Variants in COP1 observed in about 807,000 individuals in gnomAD.
COP1 encodes the protein E3 ubiquitin-protein ligase COP1.
A neutral mutation model predicts 101.3 loss-of-function variants in COP1; 24 were observed. The observed-to-expected ratio is 0.24, with a 90% CI of 0.17 to 0.33. The LOEUF is 0.33. COP1 is among the 10% of genes least tolerant of loss of function. The pLI, the probability that COP1 is intolerant of heterozygous loss-of-function variation, is 1.00. For synonymous variants in COP1, 347 were observed against 341.9 expected, an observed-to-expected ratio of 1.01 and a Z score of -0.17; for missense variants, 663 against 906.2, an observed-to-expected ratio of 0.73 and a Z score of 3.45.
chr1:176,155,480 A>G (rs1693307235), intron 5 of COP1, among the ~76,000 whole-genome samples: 1 of 152,054 alleles, frequency 6.6e-6, no homozygotes, highest in Admixed American at 6.6e-5. Flanking sequence ...AGAACAGAGC[A>G]TCAGAAGTCT....
intron 9 of COP1, among the ~76,000 whole-genome samples, chr1:176,114,044 C>G (rs923281837): frequency 6.6e-6 from 1 of 150,990 alleles, no homozygotes; most frequent in South Asian, 2.1e-4. Flanking sequence ...CTTCATCAGT[C>G]ACAGGGAGTA....
intron 15 of COP1, among the ~76,000 whole-genome samples, chr1:176,021,441 A>T (rs1367960847): frequency 6.6e-6 from 1 of 152,230 alleles, no homozygotes; most frequent in Non-Finnish European, 1.5e-5. Flanking sequence ...AATTTGCTTC[A>T]ATCCTCATTG....
intron 18 of COP1, among the ~76,000 whole-genome samples, chr1:175,963,734 C>T (rs1430639991): frequency 6.6e-6 from 1 of 152,152 alleles, no homozygotes; most frequent in African/African-American, 2.4e-5. Flanking sequence ...TCAAAAGCCC[C>T]TATCTTCATA....
intron 6 of COP1, among the ~76,000 whole-genome samples, chr1:176,136,859 A>G (rs944206071): frequency 1.3e-5 from 2 of 152,192 alleles, no homozygotes; most frequent in African/African-American, 2.4e-5. Context: ...AAGAACTTTC[A>G]CATTACCTCA....
chr1:175,954,838 G>A lies in COP1; in HGVS notation c.2134-7599C>T, dbSNP rs373930147. On this transcript the variant is annotated intron_variant, in intron 18 of 19. Coordinates refer to ENST00000367669, the MANE Select transcript of COP1 (RefSeq NM_022457.7). ...TGTAAAAAACCTTAACAAAATACAA[G>A]TAAAGATAATTCAGTCATATACAAA... Among the ~76,000 whole-genome samples, 33 of 152,074 alleles carry A rather than the reference G, an allele frequency of 2.2e-4. No homozygotes were observed. The East Asian group carries it at 6.4e-3, about 29-fold the overall frequency.
At chr1:176,091,495 C>T (rs965638381) in intron 9 of COP1, among the ~76,000 whole-genome samples, 1 of 152,098 alleles carries the variant, frequency 6.6e-6, no homozygotes, top group African/African-American at 2.4e-5. Flanking sequence ...TATTAATCGT[C>T]ATATCTAGTT....
intron 12 of COP1, among the ~76,000 whole-genome samples, chr1:176,045,081 G>C (rs541176457): frequency 6.6e-6 from 1 of 152,252 alleles, no homozygotes; most frequent in Non-Finnish European, 1.5e-5. Context: ...ACTTCAGTCT[G>C]AATCCTGGCT....
chr1:176,199,204 C>G lies in COP1; in HGVS notation c.407+7368G>C, dbSNP rs192680617. 3.0e-3 allele frequency among the ~76,000 whole-genome samples: 456 copies of G among 152,164 alleles called. 2 individuals carry two copies. The highest frequency in any genetic ancestry group is 0.01 in the African/African-American group (429 of 41,502). On this transcript the variant is annotated intron_variant, in intron 1 of 19. Transcript: ENST00000367669. ...TGGTGGCGGGCGCCTGTAATCCTAG[C>G]TACTCGGGAGGTTAAGGCAGGAGAA...
At chr1:176,063,047 G>GTA (rs1553247257) in intron 11 of COP1, among the ~76,000 whole-genome samples, 1 of 90,590 alleles carries the variant, frequency 1.1e-5, no homozygotes, top group African/African-American at 4.4e-5. Flanking sequence ...TTTTGAAAAT[G>GTA]TTTTTTTTTT....
At chr1:176,029,240 A>G (rs1375875032) in intron 14 of COP1, among the ~76,000 whole-genome samples, 1 of 151,272 alleles carries the variant, frequency 6.6e-6, no homozygotes, top group Non-Finnish European at 1.5e-5. Flanking sequence ...AAAGTAATAT[A>G]TTCTAGAATT....
chr1:176,083,950 TTTTAA>T (rs1034811264), intron 10 of COP1, among the ~76,000 whole-genome samples: 3 of 152,190 alleles, frequency 2.0e-5, no homozygotes, highest in East Asian at 1.9e-4. Flanking sequence ...TTCCACCTGG[TTTTAA>T]TTTATTATTC....
chr1:175,980,211 G>C (rs910871339), intron 18 of COP1, among the ~76,000 whole-genome samples: 1 of 124,048 alleles, frequency 8.1e-6, no homozygotes. Context: ...TAGGTAGCCT[G>C]GCTCTGCTCT....
At chr1:175,990,820 T>A (rs1243615953) in intron 15 of COP1, among the ~76,000 whole-genome samples, 2 of 152,150 alleles carry the variant, frequency 1.3e-5, no homozygotes, top group Non-Finnish European at 2.9e-5. Context: ...TTACATGGTA[T>A]ATCTTTTTCC....
intron 14 of COP1, among the ~76,000 whole-genome samples, chr1:176,038,981 T>TC (rs1402976722): frequency 6.6e-6 from 1 of 152,166 alleles, no homozygotes; most frequent in East Asian, 1.9e-4. Flanking sequence ...TGGATGTAAC[T>TC]GACATCTACA....
intron 5 of COP1, among the ~76,000 whole-genome samples, chr1:176,152,825 G>A (rs956747512): frequency 2.6e-5 from 4 of 152,002 alleles, no homozygotes; most frequent in African/African-American, 7.3e-5. Context: ...AAATGTGCAG[G>A]TAACATTTCA....
chr1:176,070,744 T>C (rs947318698), intron 11 of COP1, among the ~76,000 whole-genome samples: 1 of 152,194 alleles, frequency 6.6e-6, no homozygotes, highest in Non-Finnish European at 1.5e-5. Flanking sequence ...CTTGAGCTCC[T>C]GGGCTCAAGA....
At chr1:176,072,766 T>G (rs1033162586) in intron 11 of COP1, among the ~76,000 whole-genome samples, 3 of 151,352 alleles carry the variant, frequency 2.0e-5, no homozygotes, top group African/African-American at 7.2e-5. Flanking sequence ...ATGATCCTTG[T>G]AACTATCATA....
chr1:176,097,242 G>A (rs529312147), intron 9 of COP1, among the ~76,000 whole-genome samples: 1 of 152,042 alleles, frequency 6.6e-6, no homozygotes, highest in East Asian at 1.9e-4. Flanking sequence ...AAAAACGACT[G>A]AATTATTTTT....
At chr1:176,160,933 T>A (rs1694226454) in intron 5 of COP1, among the ~76,000 whole-genome samples, 1 of 152,152 alleles carries the variant, frequency 6.6e-6, no homozygotes, top group African/African-American at 2.4e-5. Context: ...GAAGAATCAT[T>A]AGCTTAGTTA....
Sources: gnomAD v4.1 joint callset for allele counts (sites outside exome capture counted in the v4.1 genomes callset) on GRCh38, gnomAD v4.1.1 for gene constraint, MANE v1.5 for transcripts, NCBI Gene and HGNC (gene_info 2026-07-23, HGNC 2026-07-21) for gene names.